MAGI2: variants seen among roughly 807,000 people sequenced by gnomAD.
MAGI2 encodes membrane associated guanylate kinase, WW and PDZ domain containing 2, also known as membrane-associated guanylate kinase, WW and PDZ domain-containing protein 2.
Under a neutral mutation model 133.3 loss-of-function variants are expected in MAGI2, and 35 were observed. That is an observed-to-expected ratio of 0.26 (90% CI 0.20 to 0.35). The LOEUF is 0.35. MAGI2 is among the 10% of genes least tolerant of loss of function. The probability of loss-of-function intolerance (pLI) is 1.00; values close to 1 mark genes in which losing one functional copy is unlikely to be tolerated. For missense variants in MAGI2, 1,636 were observed against 1,863.4 expected (o/e 0.88, Z 2.25); for synonymous variants, 729 against 710.6 (o/e 1.03, Z -0.41).
intron 2 of MAGI2, among the ~76,000 whole-genome samples, chr7:78,919,043 A>C (rs1257063189): frequency 6.6e-6 from 1 of 152,146 alleles, no homozygotes; most frequent in Non-Finnish European, 1.5e-5. Context: ...CTTTGTTTGG[A>C]TATATTGACT....
intron 9 of MAGI2, among the ~76,000 whole-genome samples, chr7:78,303,082 A>G (rs1797969341): frequency 6.6e-6 from 1 of 152,136 alleles, no homozygotes; most frequent in Non-Finnish European, 1.5e-5. Context: ...TGGCCTTGCT[A>G]AAGAGCTCCC....
chr7:78,782,435 G>A (rs1826473363), intron 2 of MAGI2, among the ~76,000 whole-genome samples: 1 of 152,156 alleles, frequency 6.6e-6, no homozygotes, highest in South Asian at 2.1e-4. Context: ...AAATGAGTTG[G>A]ATGTTAAACA....
chr7:78,977,684 T>C (rs949445830), intron 2 of MAGI2, among the ~76,000 whole-genome samples: 1 of 151,740 alleles, frequency 6.6e-6, no homozygotes, highest in Non-Finnish European at 1.5e-5. Flanking sequence ...TGAAAAAAAT[T>C]AGACTTTATT....
At chr7:78,970,999 T>G (rs562308343) in intron 2 of MAGI2, among the ~76,000 whole-genome samples, 1 of 152,232 alleles carries the variant, frequency 6.6e-6, no homozygotes, top group Admixed American at 6.5e-5. Context: ...AATGACTTAA[T>G]GAGAATGACC....
At chr7:78,479,904 A>T (rs2150453828) in intron 6 of MAGI2, among the ~76,000 whole-genome samples, 1 of 152,106 alleles carries the variant, frequency 6.6e-6, no homozygotes, top group Non-Finnish European at 1.5e-5. Flanking sequence ...AAGAAATGGA[A>T]GTTATGAAAA....
chr7:78,819,228 C>G (rs909441337), intron 2 of MAGI2, among the ~76,000 whole-genome samples: 2 of 152,034 alleles, frequency 1.3e-5, no homozygotes, highest in East Asian at 3.8e-4. Context: ...CAAAGTGTTC[C>G]TTTCATAAGG....
At chr7:78,667,149 T>C (rs1813688626) in intron 2 of MAGI2, among the ~76,000 whole-genome samples, 1 of 152,068 alleles carries the variant, frequency 6.6e-6, no homozygotes, top group Non-Finnish European at 1.5e-5. Flanking sequence ...TTCAAATAAA[T>C]ACAATGTCAT....
chr7:78,719,533 A>G (rs1297288538), intron 2 of MAGI2, among the ~76,000 whole-genome samples: 1 of 152,232 alleles, frequency 6.6e-6, no homozygotes, highest in East Asian at 1.9e-4. Flanking sequence ...TAAAAAAATC[A>G]TTTAGTTAGA....
intron 2 of MAGI2, among the ~76,000 whole-genome samples, chr7:78,675,882 C>A (rs920805247): frequency 6.6e-6 from 1 of 152,094 alleles, no homozygotes; most frequent in Non-Finnish European, 1.5e-5. Context: ...GTCCAAAACT[C>A]AACTAGTGTT....
At chr7:78,761,255 C>T (rs1264087636) in intron 2 of MAGI2, among the ~76,000 whole-genome samples, 1 of 152,138 alleles carries the variant, frequency 6.6e-6, no homozygotes, top group Non-Finnish European at 1.5e-5. Flanking sequence ...ACATGCAAGG[C>T]ATGGGTGACT....
chr7:78,923,394 C>T (rs1408605836), intron 2 of MAGI2, among the ~76,000 whole-genome samples: 2 of 152,056 alleles, frequency 1.3e-5, no homozygotes, highest in East Asian at 1.9e-4. Flanking sequence ...AGGGATCCAG[C>T]TTCAGATTTC....
intron 1 of MAGI2, among the ~76,000 whole-genome samples, chr7:79,191,322 A>G (rs1827634280): frequency 6.6e-6 from 1 of 150,896 alleles, no homozygotes; most frequent in African/African-American, 2.4e-5. Flanking sequence ...ATGTCTCTCA[A>G]ATCATGCAAG....
chr7:78,404,655 T>A (rs1006697657), intron 6 of MAGI2, among the ~76,000 whole-genome samples: 1 of 152,106 alleles, frequency 6.6e-6, no homozygotes, highest in African/African-American at 2.4e-5. Context: ...TTATACCTTA[T>A]ACAAAAATTA....
intron 6 of MAGI2, among the ~76,000 whole-genome samples, chr7:78,398,671 G>C (rs940162674): frequency 6.6e-6 from 1 of 151,678 alleles, no homozygotes; most frequent in Non-Finnish European, 1.5e-5. Flanking sequence ...TAGTAAGAAA[G>C]GTAGGGCCCC....
In MAGI2 at chr7:78,019,673, C is replaced by T. The variant is rs747995312; in HGVS notation, c.4010G>A (p.Arg1337Gln). 2 of 1,377,736 alleles carry T rather than the reference C, an allele frequency of 1.5e-6. No homozygotes were observed. Among genetic ancestry groups the T allele is most frequent in the Non-Finnish European group, 1.9e-6 (2 of 1,070,240 alleles). 85.3% of individuals were successfully genotyped at this position (1,377,736 alleles called of 1,614,324 possible). The change falls in exon 22 of 22, where the codon CGG becomes CAG. Residue 1337 changes from arginine to glutamine, a missense_variant. By Grantham distance (43) the Arg-to-Gln change is conservative. Transcript: ENST00000354212. ...RLEEAPGGQG[R>Q]PEAGRPASEA... is the part of the protein sequence containing the mutation. Reference sequence around the variant, plus strand: ...CGAGGCGGGCCTGCCGGCCTCGGGCCGCCCCTGGCCGCCGGGCGCCTCCTC... The same window carrying T: ...CGAGGCGGGCCTGCCGGCCTCGGGCTGCCCCTGGCCGCCGGGCGCCTCCTC...
At chr7:78,824,372 A>G (rs749920361) in intron 2 of MAGI2, among the ~76,000 whole-genome samples, 43 of 152,164 alleles carry the variant, frequency 2.8e-4, no homozygotes, top group Non-Finnish European at 4.9e-4. Flanking sequence ...ACAGTGGTTG[A>G]ACTAATTTAT....
At chr7:78,825,652 C>T (rs1053256973) in intron 2 of MAGI2, among the ~76,000 whole-genome samples, 13 of 152,158 alleles carry the variant, frequency 8.5e-5, no homozygotes, top group African/African-American at 3.1e-4. Flanking sequence ...TTCTTTCACT[C>T]TTTAGCTAAG....
At chr7:78,539,100 T>C (rs80171024) in intron 3 of MAGI2, among the ~76,000 whole-genome samples, 5,018 of 152,300 alleles carry the variant, frequency 0.033, 108 homozygotes, top group African/African-American at 0.056. Flanking sequence ...GTTCCAGTTC[T>C]CAGGGGGAAT....
At chr7:78,577,019 T>A (rs1244013906) in intron 3 of MAGI2, among the ~76,000 whole-genome samples, 2 of 152,240 alleles carry the variant, frequency 1.3e-5, no homozygotes, top group East Asian at 3.8e-4. Context: ...CTTGTCAATC[T>A]GCTTTTTTGT....
Sources: gnomAD v4.1 joint callset for allele counts (sites outside exome capture counted in the v4.1 genomes callset) on GRCh38, gnomAD v4.1.1 for gene constraint, MANE v1.5 for transcripts, NCBI Gene and HGNC (gene_info 2026-07-23, HGNC 2026-07-21) for gene names.